ANTXR2: variants seen among roughly 807,000 people sequenced by gnomAD.
ANTXR2 encodes the protein ANTXR cell adhesion molecule 2.
ANTXR2 carries 44 observed loss-of-function variants against 73.7 expected under a neutral mutation model. The ratio of observed to expected loss-of-function variants is 0.60; its 90% CI spans 0.47 to 0.77. ANTXR2 has a LOEUF of 0.77. Ranked by LOEUF, ANTXR2 falls within the 30% of genes least tolerant of loss-of-function variation. ANTXR2 has a pLI of 0.00. For missense variants in ANTXR2, 604 were observed against 592.5 expected (o/e 1.02, Z -0.20); for synonymous variants, 217 against 205.9 (o/e 1.05, Z -0.46).
At chr4:80,006,907 G>A (rs1478476351) in intron 12 of ANTXR2, among the ~76,000 whole-genome samples, 1 of 152,034 alleles carries the variant, frequency 6.6e-6, no homozygotes, top group Non-Finnish European at 1.5e-5. Flanking sequence ...AAACCAAGGA[G>A]CACAAATTAC....
chr4:79,962,123 GATT>G (rs1242152181), intron 16 of ANTXR2, among the ~76,000 whole-genome samples: 1 of 152,084 alleles, frequency 6.6e-6, no homozygotes, highest in Non-Finnish European at 1.5e-5. Flanking sequence ...CTAATTAAGA[GATT>G]ATTTTATTGA....
chr4:80,024,639 G>A (rs1441901494), intron 10 of ANTXR2: 3 of 432,334 alleles, frequency 6.9e-6, no homozygotes, highest in South Asian at 1.7e-5. Flanking sequence ...GTACATGCCT[G>A]TAGCCCCAGC....
chr4:79,919,523 A>T (rs969186076), intron 16 of ANTXR2, among the ~76,000 whole-genome samples: 7 of 152,058 alleles, frequency 4.6e-5, no homozygotes, highest in Admixed American at 1.3e-4. Context: ...ATCAGCTACC[A>T]GCATGGTCAG....
intron 16 of ANTXR2, among the ~76,000 whole-genome samples, chr4:79,908,146 A>G (rs1348067872): frequency 6.6e-6 from 1 of 152,184 alleles, no homozygotes; most frequent in Non-Finnish European, 1.5e-5. Context: ...ATATTTGAAA[A>G]CAAAGTTTCC....
At chr4:80,054,240 T>C in intron 7 of ANTXR2, 32 bp downstream of exon 7, 1 of 1,517,042 alleles carries the variant, frequency 6.6e-7, no homozygotes, top group South Asian at 1.2e-5. Context: ...TACAAGGTTA[T>C]GAGCCCTTCC....
At chr4:79,951,591 CA>C (rs61444171) in intron 16 of ANTXR2, among the ~76,000 whole-genome samples, 13,301 of 148,836 alleles carry the variant, frequency 0.089, 675 homozygotes, top group Middle Eastern at 0.24. Context: ...ACAACAACAA[CA>C]AAAAAAAAAA....
chr4:79,997,180 C>A (rs975774577), intron 12 of ANTXR2, among the ~76,000 whole-genome samples: 1 of 151,792 alleles, frequency 6.6e-6, no homozygotes. Context: ...AGCACTGGAG[C>A]CTGCAGCCAG....
chr4:79,951,229 A>G (rs962621570), intron 16 of ANTXR2, among the ~76,000 whole-genome samples: 1 of 152,190 alleles, frequency 6.6e-6, no homozygotes, highest in African/African-American at 2.4e-5. Flanking sequence ...ACAGCAATAA[A>G]TATTTGTTGG....
At chr4:79,930,544 T>G (rs899551411) in intron 16 of ANTXR2, among the ~76,000 whole-genome samples, 7 of 152,234 alleles carry the variant, frequency 4.6e-5, no homozygotes, top group Non-Finnish European at 5.9e-5. Context: ...TATCAGGATG[T>G]GGTCCATCAG....
At chr4:79,936,813 T>C (rs1728281864) in intron 16 of ANTXR2, among the ~76,000 whole-genome samples, 1 of 152,162 alleles carries the variant, frequency 6.6e-6, no homozygotes, top group Non-Finnish European at 1.5e-5. Flanking sequence ...TTTGTGCTTA[T>C]AATCATTCCC....
chr4:79,977,391 G>T, intron 16 of ANTXR2: 1 of 852,134 alleles, frequency 1.2e-6, no homozygotes, highest in Non-Finnish European at 1.7e-6. Context: ...CAAATGACCA[G>T]AATTGTAAAG....
chr4:80,026,677 G>A (rs370264145), intron 10 of ANTXR2, among the ~76,000 whole-genome samples: 113 of 152,042 alleles, frequency 7.4e-4, no homozygotes, highest in African/African-American at 2.6e-3. Context: ...TCTGAAATGT[G>A]CTTCCCCTTA....
chr4:80,019,516 TA>T (rs2110069541), intron 10 of ANTXR2, among the ~76,000 whole-genome samples: 1 of 152,322 alleles, frequency 6.6e-6, no homozygotes, highest in African/African-American at 2.4e-5. Context: ...ATACAGGCAT[TA>T]AGAAATTTCT....
chr4:80,057,018 C>T (rs964536285), intron 3 of ANTXR2, among the ~76,000 whole-genome samples: 4 of 151,668 alleles, frequency 2.6e-5, no homozygotes, highest in East Asian at 1.9e-4. Context: ...TGTTTTCAGA[C>T]TTTTTCAATA....
intron 7 of ANTXR2, among the ~76,000 whole-genome samples, chr4:80,049,656 C>A (rs1307107684): frequency 6.6e-6 from 1 of 151,584 alleles, no homozygotes; most frequent in Non-Finnish European, 1.5e-5. Flanking sequence ...GTACAATAAC[C>A]CTCTTGTCCC....
intron 1 of ANTXR2, 76 bp downstream of exon 1, chr4:80,072,333 A>C: frequency 7.0e-7 from 1 of 1,434,420 alleles, no homozygotes; most frequent in Non-Finnish European, 9.2e-7. Flanking sequence ...GGGTGCGCAC[A>C]CGCATCTCAG....
chr4:80,069,666 A>G (rs1437745733), intron 2 of ANTXR2, among the ~76,000 whole-genome samples, 159 bp from the exon 3 acceptor site: 5 of 152,206 alleles, frequency 3.3e-5, no homozygotes, highest in African/African-American at 1.2e-4. Flanking sequence ...ACTCTGCTTA[A>G]CATTGTTGCA....
At chr4:80,061,284 C>CTG (rs60730236) in intron 3 of ANTXR2, among the ~76,000 whole-genome samples, 28,483 of 149,036 alleles carry the variant, frequency 0.19, 3,802 homozygotes, top group East Asian at 0.71. Flanking sequence ...GTGTGTGCCT[C>CTG]TGTGTGTGTG....
At chr4:80,002,291 C>A (rs569876867) in intron 12 of ANTXR2, among the ~76,000 whole-genome samples, 165 of 152,154 alleles carry the variant, frequency 1.1e-3, no homozygotes, top group African/African-American at 3.8e-3. Flanking sequence ...ACGAACCTGA[C>A]AAAAACAAGC....
Sources: gnomAD v4.1 joint callset for allele counts (sites outside exome capture counted in the v4.1 genomes callset) on GRCh38, gnomAD v4.1.1 for gene constraint, MANE v1.5 for transcripts, NCBI Gene and HGNC (gene_info 2026-07-23, HGNC 2026-07-21) for gene names.